Variants in TMED8 observed in about 807,000 individuals in gnomAD.
TMED8 encodes the protein transmembrane p24 trafficking protein family member 8, also known as protein TMED8.
A neutral mutation model predicts 32.7 loss-of-function variants in TMED8; 15 were observed. The ratio of observed to expected loss-of-function variants is 0.46; its 90% CI spans 0.31 to 0.71. The LOEUF (loss-of-function observed/expected upper bound fraction) is 0.71, where lower values mean the gene tolerates loss of function less well. Among genes scored for constraint, TMED8 ranks in the 30% least tolerant of loss-of-function variants. TMED8 has a pLI of 0.06. For missense variants in TMED8, 390 were observed against 423.9 expected (o/e 0.92, Z 0.70); for synonymous variants, 147 against 161.4 (o/e 0.91, Z 0.68).
At chr14:77,366,176 A>G (rs973278927) in intron 1 of TMED8, among the ~76,000 whole-genome samples, 1 of 152,200 alleles carries the variant, frequency 6.6e-6, no homozygotes, top group African/African-American at 2.4e-5. Flanking sequence ...ATGGTGCACA[A>G]GTATATTTGC....
intron 1 of TMED8, among the ~76,000 whole-genome samples, chr14:77,359,046 C>G (rs2139622875): frequency 6.6e-6 from 1 of 152,108 alleles, no homozygotes; most frequent in South Asian, 2.1e-4. Flanking sequence ...TAGCTGGAAC[C>G]ACAGTCCCAT....
chr14:77,372,941 TA>T lies in TMED8; in HGVS notation c.118+3994del, dbSNP rs1893720875. ...ATATATATATATATATATATATATA[TA>T]TATATATATATTTTTTTTTTTTTTT... On this transcript the variant is annotated intron_variant, in intron 1 of 5. Transcript: ENST00000216468. Among the ~76,000 whole-genome samples, 15 of 32,196 alleles carry T rather than the reference TA, an allele frequency of 4.7e-4. 1 individual carries two copies. Among genetic ancestry groups the T allele is most frequent in the African/African-American group, 1.8e-3 (7 of 3,810 alleles). 21.1% of individuals were successfully genotyped at this position (32,196 alleles called of 152,430 possible).
At chr14:77,344,852 G>A (rs539854062) in intron 3 of TMED8, among the ~76,000 whole-genome samples, 79 of 152,202 alleles carry the variant, frequency 5.2e-4, no homozygotes, top group Non-Finnish European at 1.1e-3. Flanking sequence ...TAACTGAAAT[G>A]AATCAGACTT....
chr14:77,351,268 C>CTT (rs1893167606), intron 2 of TMED8, among the ~76,000 whole-genome samples: 1 of 150,956 alleles, frequency 6.6e-6, no homozygotes, highest in African/African-American at 2.4e-5. Flanking sequence ...GGGCGGATCA[C>CTT]AAGGTCAGGA....
At position 77,376,406 on chromosome 14, in the gene TMED8, A is replaced by AG. The variant is rs1365268919; in HGVS notation, c.118+529dup. Among the ~76,000 whole-genome samples the AG allele has an allele frequency of 1.3e-5, 2 of 152,246 alleles. No homozygotes were observed. The highest frequency in any genetic ancestry group is 2.9e-5 in the Non-Finnish European group (2 of 68,046). ...CGATGGAGAGGATGGCAGCAAGGCC[A>AG]GGGGGCCTATGTGCAGGAAGGCTAG... On this transcript the variant is annotated intron_variant, in intron 1 of 5. Coordinates refer to ENST00000216468, the MANE Select transcript of TMED8 (RefSeq NM_213601.3). This position sits in a 1 kb window ranked among gnomAD's most constrained non-coding sequence, Gnocchi z 4.0.
In TMED8 at chr14:77,376,913, G is replaced by C; in HGVS notation, c.118+23C>G. The C allele has an allele frequency of 7.2e-7, 1 of 1,383,908 alleles. No homozygotes were observed. The highest frequency in any genetic ancestry group is 9.4e-7 in the Non-Finnish European group (1 of 1,059,304). 85.7% of individuals were successfully genotyped at this position (1,383,908 alleles called of 1,614,324 possible). On this transcript the variant is annotated intron_variant, in intron 1 of 5. Coordinates refer to ENST00000216468, the MANE Select transcript of TMED8 (RefSeq NM_213601.3). This position sits in a 1 kb window ranked among gnomAD's most constrained non-coding sequence, Gnocchi z 4.0. ...CCCTGAGGCCGGGCGGCACCCACCC[G>C]CCAGCGCCCCGGCCTTGCGTACCTG...
rs1381253298 is a variant in TMED8, at chr14:77,367,239, C to CT, written c.118+9696dup. ...CCTGGGTGACAGAGCAAGACTCTGT[C>CT]TAAAAAAAAAAAAAAAAAAAAAAAA... On this transcript the variant is annotated intron_variant, in intron 1 of 5. Transcript: ENST00000216468. Among the ~76,000 whole-genome samples, 27 of 53,018 alleles carry CT rather than the reference C, an allele frequency of 5.1e-4. No homozygotes were observed. In the East Asian group the frequency reaches 6.6e-3, roughly 13 times the overall value. 34.8% of individuals were successfully genotyped at this position (53,018 alleles called of 152,430 possible).
chr14:77,358,048 T>A (rs2077748293), intron 1 of TMED8, among the ~76,000 whole-genome samples: 1 of 144,184 alleles, frequency 6.9e-6, no homozygotes, highest in Non-Finnish European at 1.5e-5. Context: ...CGCTGGAACC[T>A]AGGAGGCGGA....
chr14:77,369,911 C>T (rs1893638127), intron 1 of TMED8, among the ~76,000 whole-genome samples: 1 of 152,010 alleles, frequency 6.6e-6, no homozygotes, highest in African/African-American at 2.4e-5. Context: ...GTGGCTCATG[C>T]CTGTAAGGGA....
intron 1 of TMED8, among the ~76,000 whole-genome samples, chr14:77,362,627 A>G (rs550584463): frequency 5.3e-5 from 8 of 152,282 alleles, no homozygotes; most frequent in African/African-American, 1.7e-4. Flanking sequence ...GTCCTTCCCT[A>G]TCAATAATAA....
chr14:77,371,489 T>C (rs1893679080), intron 1 of TMED8, among the ~76,000 whole-genome samples: 1 of 152,118 alleles, frequency 6.6e-6, no homozygotes, highest in Non-Finnish European at 1.5e-5. Flanking sequence ...CCATAAGGAG[T>C]TGAGCTTTTG....
In TMED8 at chr14:77,351,411, A is replaced by ATTTTTTT. The variant is rs1181134385; in HGVS notation, c.197+255_197+261dup. On this transcript the variant is annotated intron_variant, in intron 2 of 5. Coordinates refer to ENST00000216468, the MANE Select transcript of TMED8 (RefSeq NM_213601.3). ...GTAGTCTGGCCACCACGCCCCGCTA[A>ATTTTTTT]TTTTTTTTTTTTTTTTTTTTTTTGG... is the stretch of plus-strand genomic sequence containing the variant. Among the ~76,000 whole-genome samples the ATTTTTTT allele has an allele frequency of 2.3e-3, 230 of 102,116 alleles. 1 individual carries two copies. The highest frequency in any genetic ancestry group is 3.0e-3 in the Non-Finnish European group (163 of 54,470). 67.0% of individuals were successfully genotyped at this position (102,116 alleles called of 152,430 possible).
chr14:77,376,877 G>C lies in TMED8; in HGVS notation c.118+59C>G. 5 of 1,096,050 alleles carry C rather than the reference G, an allele frequency of 4.6e-6. No homozygotes were observed. The South Asian group carries it at 6.2e-5, about 14-fold the overall frequency. The allele number at this position is 1,096,050 out of a possible 1,614,324, so 67.9% of individuals were successfully genotyped here. A position where few individuals can be genotyped will look rare whatever the true frequency, so the allele number is the denominator to read the frequency against. On this transcript the variant is annotated intron_variant, in intron 1 of 5. Transcript: ENST00000216468. This position sits in a 1 kb window ranked among gnomAD's most constrained non-coding sequence, Gnocchi z 4.0. ...ACAGAGCGCGGCGGAGGCTCGCGCC[G>C]TGGTGCGGGGCCCTGAGGCCGGGCG...
Position 77,373,288 on chromosome 14 carries a change from T to C in TMED8, c.118+3648A>G, listed in dbSNP as rs750882075. ...ACTTCAGGATCACAATAGAGTTTTA[T>C]TTTCCTTTAAACTTAAAAAAAAAAC... On this transcript the variant is annotated intron_variant, in intron 1 of 5. Coordinates refer to ENST00000216468, the MANE Select transcript of TMED8 (RefSeq NM_213601.3). 5.3e-5 allele frequency among the ~76,000 whole-genome samples: 8 copies of C among 151,312 alleles called. No individual in the cohort carries two copies. The South Asian group carries it at 6.3e-4, about 12-fold the overall frequency.
At chr14:77,365,885 C>T (rs918124475) in intron 1 of TMED8, among the ~76,000 whole-genome samples, 9 of 151,992 alleles carry the variant, frequency 5.9e-5, no homozygotes, top group Non-Finnish European at 1.2e-4. Context: ...ATGGATTTTA[C>T]GAGATCAGAT....
rs1893808484 is a variant in TMED8, at chr14:77,376,094, CAA to C, written c.118+840_118+841del. Among the ~76,000 whole-genome samples the C allele has an allele frequency of 6.6e-6, 1 of 152,158 alleles. No individual in the cohort carries two copies. Among genetic ancestry groups the C allele is most frequent in the Non-Finnish European group, 1.5e-5 (1 of 68,030 alleles). ...CTCTCCCCTCTACCCTTTCGTATTT[CAA>C]AAGAGCATCCTTTCAGTTGCATCGT... On this transcript the variant is annotated intron_variant, in intron 1 of 5. Transcript: ENST00000216468. The surrounding 1 kb of genome is among the most constrained non-coding windows in gnomAD (Gnocchi z 4.0).
In TMED8 at chr14:77,372,934, ATATATATATATATATATATTTTTTTTTTT is replaced by A. The variant is rs1489966904; in HGVS notation, c.118+3973_118+4001del. Among the ~76,000 whole-genome samples the A allele has an allele frequency of 2.1e-3, 63 of 30,438 alleles. 1 individual carries two copies. Among genetic ancestry groups the A allele is most frequent in the Middle Eastern group, 0.01 (1 of 96 alleles). 20.0% of individuals were successfully genotyped at this position (30,438 alleles called of 152,430 possible). On this transcript the variant is annotated intron_variant, in intron 1 of 5. Transcript: ENST00000216468. ...TATATATATATATATATATATATAT[ATATATATATATATATATATTTTTTTTTTT>A]TTTTTTTTTTTTTTTTTTTTGAGAC...
intron 2 of TMED8, among the ~76,000 whole-genome samples, chr14:77,348,269 G>T (rs1037228540): frequency 2.0e-5 from 3 of 151,564 alleles, no homozygotes; most frequent in Admixed American, 2.0e-4. Context: ...TGTCGCCCAG[G>T]CTGGAGTGCA....
chr14:77,346,368 T>A lies in TMED8; in HGVS notation c.308A>T (p.Gln103Leu). Residue 103 changes from glutamine (Q) to leucine (L), a missense_variant, in exon 3 of 6, where the codon CAG becomes CTG. Coordinates refer to ENST00000216468, the MANE Select transcript of TMED8 (RefSeq NM_213601.3). ...LVKQDLLPAD[Q>L]AQVLNEMAKY... ...CCCTACCTCATTGAGGACCTGGGCC[T>A]GGTCTGCAGGCAGCAAATCCTGTTT... is the stretch of plus-strand genomic sequence containing the variant. 6.2e-7 allele frequency: 1 copy of A among 1,614,182 alleles called. No homozygotes were observed. Among genetic ancestry groups the A allele is most frequent in the Non-Finnish European group, 8.5e-7 (1 of 1,180,028 alleles).
Sources: allele counts gnomAD v4.1 joint callset (sites outside exome capture counted in the v4.1 genomes callset), GRCh38; gene constraint gnomAD v4.1.1; non-coding constraint Gnocchi (gnomAD v3.1); transcripts MANE v1.5; gene names NCBI Gene and HGNC (gene_info 2026-07-23, HGNC 2026-07-21).